Variants in PCM1 observed in about 807,000 individuals in gnomAD.
The protein encoded by PCM1 is pericentriolar material 1.
In PCM1, 157 loss-of-function variants were observed where a neutral mutation model predicts 241.9. The observed-to-expected ratio is 0.65, with a 90% confidence interval of 0.57 to 0.74. The LOEUF is 0.74. Ranked by LOEUF, PCM1 falls within the 30% of genes least tolerant of loss-of-function variation. The pLI is 0.00. For synonymous variants in PCM1, 1,085 were observed against 784.9 expected, an observed-to-expected ratio of 1.38 and a Z score of -6.39; for missense variants, 3,478 against 2,360.1, an observed-to-expected ratio of 1.47 and a Z score of -9.81.
At chr8:17,939,959 T>A (rs2061548111) in intron 6 of PCM1, 98 bp downstream of exon 6, 2 of 1,171,842 alleles carry the variant, frequency 1.7e-6, no homozygotes, top group Non-Finnish European at 2.4e-6. Flanking sequence ...AGTTAACATA[T>A]TTTCAAAAAA....
chr8:18,016,979 A>G (rs2093283104), intron 36 of PCM1, among the ~76,000 whole-genome samples: 1 of 152,230 alleles, frequency 6.6e-6, no homozygotes, highest in Non-Finnish European at 1.5e-5. Flanking sequence ...ATGTAGATTT[A>G]GAATGACCCT....
At chr8:17,971,266 C>T (rs2076761922) in intron 22 of PCM1, among the ~76,000 whole-genome samples, 1 of 152,194 alleles carries the variant, frequency 6.6e-6, no homozygotes, top group Non-Finnish European at 1.5e-5. Flanking sequence ...TAACCCTTGT[C>T]TTGAGTTAAA....
chr8:17,988,298 A>G (rs2083295297), intron 26 of PCM1, among the ~76,000 whole-genome samples: 1 of 151,930 alleles, frequency 6.6e-6, no homozygotes. Context: ...AATTGAAGAT[A>G]GGAAACTTTA....
At chr8:17,956,846 A>G (rs2068736076) in intron 11 of PCM1, 69 bp downstream of exon 11, 3 of 1,225,066 alleles carry the variant, frequency 2.4e-6, no homozygotes, top group Admixed American at 4.2e-5. Flanking sequence ...TGTGGGAACA[A>G]AAATACTTCG....
intron 2 of PCM1, 128 bp downstream of exon 2, chr8:17,924,908 G>T (rs2056309892): frequency 6.6e-6 from 1 of 152,174 alleles, no homozygotes; most frequent in Admixed American, 6.5e-5. Context: ...AACTTTCTGG[G>T]TTCACCGCCC....
chr8:17,983,821 A>C (rs1481317042), intron 24 of PCM1, among the ~76,000 whole-genome samples: 3 of 152,066 alleles, frequency 2.0e-5, no homozygotes, highest in Non-Finnish European at 4.4e-5. Context: ...TATTTTTTTA[A>C]CTCCTCTTGC....
intron 22 of PCM1, among the ~76,000 whole-genome samples, chr8:17,970,779 T>C (rs2076575109): frequency 1.3e-5 from 2 of 152,208 alleles, no homozygotes; most frequent in Non-Finnish European, 2.9e-5. Flanking sequence ...TTTTAAATTA[T>C]TTATATCATT....
chr8:17,966,469 C>G lies in PCM1; in HGVS notation c.3217C>G (p.Gln1073Glu). The G allele has an allele frequency of 1.2e-6, 2 of 1,613,140 alleles. No individual in the cohort carries two copies. The highest frequency in any genetic ancestry group is 1.7e-6 in the Non-Finnish European group (2 of 1,179,336). Residue 1073 changes from glutamine (Q) to glutamate (E), a missense_variant, in exon 20 of 39, where the codon CAG becomes GAG. Coordinates refer to ENST00000325083, the MANE Select transcript of PCM1 (RefSeq NM_006197.4). ...GCTAACATGGCAACAGAATAATGTTCAGAGGTAATCTGTTTCTTAGAAGTA... is the reference window on the plus strand; with the variant it reads ...GCTAACATGGCAACAGAATAATGTTGAGAGGTAATCTGTTTCTTAGAAGTA... ...TQLTWQQNNVQRLKQMLNELM... is the reference protein window; with the variant it reads ...TQLTWQQNNVERLKQMLNELM...
intron 9 of PCM1, 86 bp from the exon 10 acceptor site, chr8:17,955,384 A>G (rs2067816814): frequency 1.1e-6 from 1 of 872,984 alleles, no homozygotes; most frequent in Non-Finnish European, 1.7e-6. Flanking sequence ...TTTACTTTTT[A>G]GTTTTCAATA....
intron 29 of PCM1, among the ~76,000 whole-genome samples, chr8:17,997,355 A>G (rs905269856): frequency 1.3e-5 from 2 of 152,114 alleles, no homozygotes; most frequent in African/African-American, 4.8e-5. Flanking sequence ...TGATTATTAA[A>G]TGCCTTGAGA....
At chr8:17,979,379 T>C (rs2079899705) in intron 23 of PCM1, among the ~76,000 whole-genome samples, 1 of 152,196 alleles carries the variant, frequency 6.6e-6, no homozygotes, top group South Asian at 2.1e-4. Flanking sequence ...AGTGGCATTT[T>C]TGTATACTAA....
At chr8:17,948,613 T>G (rs1450639673) in intron 7 of PCM1, among the ~76,000 whole-genome samples, 2 of 152,142 alleles carry the variant, frequency 1.3e-5, no homozygotes, top group Non-Finnish European at 2.9e-5. Flanking sequence ...AATAACTTAC[T>G]CTTTTGTAGT....
Position 18,009,458 on chromosome 8 carries a change from AGTTTT to A in PCM1, c.4963-88_4963-84del, listed in dbSNP as rs578223140. 9.3e-5 allele frequency: 72 copies of A among 774,662 alleles called. No individual in the cohort carries two copies. The African/African-American group carries it at 1.0e-3, about 11-fold the overall frequency. The allele number at this position is 774,662 out of a possible 1,614,324, so 48.0% of individuals were successfully genotyped here. A position where few individuals can be genotyped will look rare whatever the true frequency, so the allele number is the denominator to read the frequency against. On this transcript the variant is annotated intron_variant, in intron 30 of 38. Coordinates refer to ENST00000325083, the MANE Select transcript of PCM1 (RefSeq NM_006197.4). ...TCTTTCCTTAGTAATCATAAACATT[AGTTTT>A]AAGTTTTTCAGTACTTAAAAGTAAT...
intron 24 of PCM1, among the ~76,000 whole-genome samples, chr8:17,982,045 A>G (rs1241785127): frequency 6.6e-6 from 1 of 152,350 alleles, no homozygotes; most frequent in Non-Finnish European, 1.5e-5. Context: ...TTAAACTCAT[A>G]ATGAGCATTT....
chr8:17,975,509 G>A (rs2078444838), intron 23 of PCM1, among the ~76,000 whole-genome samples: 1 of 152,044 alleles, frequency 6.6e-6, no homozygotes, highest in Non-Finnish European at 1.5e-5. Context: ...GGTGGGTGGG[G>A]AAAAGTTTAG....
chr8:18,009,823 C>T, intron 31 of PCM1, 79 bp downstream of exon 31: 1 of 890,142 alleles, frequency 1.1e-6, no homozygotes, highest in Non-Finnish European at 1.6e-6. Context: ...ACTGAAATCA[C>T]ATTTTACCTC....
intron 6 of PCM1, among the ~76,000 whole-genome samples, chr8:17,940,848 C>T (rs181073393): frequency 9.2e-5 from 14 of 152,230 alleles, no homozygotes; most frequent in Admixed American, 5.2e-4. Context: ...TTTAAACAGG[C>T]GTGCCTATAA....
At chr8:17,956,539 A>G (rs1423862671) in intron 10 of PCM1, 65 bp from the exon 11 acceptor site, 4 of 993,824 alleles carry the variant, frequency 4.0e-6, no homozygotes, top group Non-Finnish European at 6.0e-6. Context: ...ATGATATGAA[A>G]ATAATGTCTG....
At chr8:18,007,774 G>GT (rs575674211) in intron 30 of PCM1, among the ~76,000 whole-genome samples, 42 of 152,172 alleles carry the variant, frequency 2.8e-4, no homozygotes, top group Admixed American at 1.2e-3. Context: ...TTCAAGAATT[G>GT]TTTTTTCCAC....
Sources: gnomAD v4.1 joint callset for allele counts (sites outside exome capture counted in the v4.1 genomes callset) on GRCh38, gnomAD v4.1.1 for gene constraint, MANE v1.5 for transcripts, NCBI Gene and HGNC (gene_info 2026-07-23, HGNC 2026-07-21) for gene names.